The following TUSC3 variants were observed in gnomAD, a reference collection of about 807,000 sequenced individuals.
TUSC3 encodes the protein dolichyl-diphosphooligosaccharide--protein glycosyltransferase subunit TUSC3.
TUSC3 carries 45 observed loss-of-function variants against 44.8 expected under a neutral mutation model. That is an observed-to-expected ratio of 1.00 (90% CI 0.79 to 1.29). The LOEUF (loss-of-function observed/expected upper bound fraction) is 1.29, where lower values mean the gene tolerates loss of function less well. Among genes scored for constraint, TUSC3 ranks in the 50% most tolerant of loss-of-function variants. The pLI, the probability that TUSC3 is intolerant of heterozygous loss-of-function variation, is 0.00. For synonymous variants in TUSC3, 212 were observed against 152.9 expected (o/e 1.39, Z -2.85); for missense variants, 519 against 437.9 (o/e 1.19, Z -1.65).
chr8:15,777,559 A>G, the TUSC3 span, among the ~76,000 whole-genome samples: 1 of 152,338 alleles, frequency 6.6e-6, no homozygotes, highest in Non-Finnish European at 1.5e-5. Context: ...GAATTGAAGC[A>G]GATATGAAGC....
chr8:15,564,785 C>T (rs988901745), intron 1 of TUSC3, among the ~76,000 whole-genome samples: 2 of 151,988 alleles, frequency 1.3e-5, no homozygotes, highest in East Asian at 1.9e-4. Flanking sequence ...GATTTCCCCA[C>T]GCTTGTGCTG....
At chr8:15,472,462 T>A (rs1433372108) in intron 1 of TUSC3, among the ~76,000 whole-genome samples, 1 of 152,156 alleles carries the variant, frequency 6.6e-6, no homozygotes, top group Admixed American at 6.6e-5. Flanking sequence ...AAGGTCTGAG[T>A]TTTATCTCTG....
chr8:15,750,136 T>A (rs1811631459), intron 9 of TUSC3, among the ~76,000 whole-genome samples: 1 of 151,586 alleles, frequency 6.6e-6, no homozygotes, highest in African/African-American at 2.4e-5. Flanking sequence ...CCCGCCACCA[T>A]GCCTGGCTAA....
the TUSC3 span, among the ~76,000 whole-genome samples, chr8:15,817,396 T>C: frequency 3.3e-5 from 5 of 151,910 alleles, no homozygotes; most frequent in South Asian, 6.3e-4. Context: ...GGTAACTATG[T>C]GGTACACTTA....
At chr8:15,551,179 A>G (rs1802049989) in intron 1 of TUSC3, among the ~76,000 whole-genome samples, 1 of 151,688 alleles carries the variant, frequency 6.6e-6, no homozygotes, top group African/African-American at 2.4e-5. Flanking sequence ...GAAATTACAT[A>G]CATTTTCATT....
upstream of TUSC3, among the ~76,000 whole-genome samples, chr8:15,535,255 G>C (rs984453447): frequency 3.9e-5 from 6 of 152,196 alleles, no homozygotes; most frequent in Non-Finnish European, 7.3e-5. Flanking sequence ...CCAGTTTGAA[G>C]GCTTATGTTT....
At chr8:15,668,697 AG>A (rs1807791224) in intron 5 of TUSC3, among the ~76,000 whole-genome samples, 2 of 151,798 alleles carry the variant, frequency 1.3e-5, no homozygotes, top group African/African-American at 4.8e-5. Context: ...ACTAGCTTTG[AG>A]GGTGTTCTTT....
chr8:15,619,227 T>C (rs1227971214), intron 1 of TUSC3, among the ~76,000 whole-genome samples: 1 of 152,184 alleles, frequency 6.6e-6, no homozygotes, highest in African/African-American at 2.4e-5. Context: ...TGATTTGATA[T>C]TTATTGTTAT....
chr8:15,701,155 C>G (rs112512833), intron 6 of TUSC3, among the ~76,000 whole-genome samples: 3 of 152,094 alleles, frequency 2.0e-5, no homozygotes, highest in Admixed American at 6.6e-5. Context: ...GCGTAATACA[C>G]AGATCTTAAA....
Position 15,674,005 on chromosome 8 carries a change from C to A in TUSC3, c.798+169C>A, listed in dbSNP as rs577888866. Among the ~76,000 whole-genome samples, 31 of 152,146 alleles carry A rather than the reference C, an allele frequency of 2.0e-4. 1 individual carries two copies. Among genetic ancestry groups the A allele is most frequent in the Admixed American group, 1.8e-3 (28 of 15,256 alleles). ...CTATATACACATGTGCATACACACA[C>A]ACACACAATATTACTTTTGTTAGGA... is the stretch of plus-strand genomic sequence containing the variant. On this transcript the variant is annotated intron_variant, in intron 6 of 10. Coordinates refer to ENST00000503731, the MANE Select transcript of TUSC3 (RefSeq NM_006765.4).
intron 1 of TUSC3, among the ~76,000 whole-genome samples, chr8:15,482,202 A>G (rs2129124538): frequency 6.6e-6 from 1 of 152,270 alleles, no homozygotes; most frequent in South Asian, 2.1e-4. Context: ...CTCCACTTCT[A>G]GTTCTAGTTT....
chr8:15,556,014 T>C (rs1206738428), intron 1 of TUSC3, among the ~76,000 whole-genome samples: 1 of 151,306 alleles, frequency 6.6e-6, no homozygotes, highest in Non-Finnish European at 1.5e-5. Flanking sequence ...TTTTATTTTT[T>C]TTTTATTATA....
intron 1 of TUSC3, among the ~76,000 whole-genome samples, chr8:15,577,526 A>G (rs1585118851): frequency 6.7e-6 from 1 of 150,196 alleles, no homozygotes; most frequent in Non-Finnish European, 1.5e-5. Flanking sequence ...TCAGCTTTCT[A>G]CATATGGCTA....
At chr8:15,477,226 C>T (rs1346196474) in intron 1 of TUSC3, among the ~76,000 whole-genome samples, 3 of 152,160 alleles carry the variant, frequency 2.0e-5, no homozygotes, top group Non-Finnish European at 2.9e-5. Flanking sequence ...ATTCCATTGA[C>T]CAAATTCCAT....
intron 1 of TUSC3, among the ~76,000 whole-genome samples, chr8:15,605,012 C>T (rs889021922): frequency 6.6e-6 from 1 of 151,762 alleles, no homozygotes; most frequent in Non-Finnish European, 1.5e-5. Flanking sequence ...TAGAGAAGTT[C>T]TGATACTCCA....
chr8:15,785,452 TC>T, the TUSC3 span, among the ~76,000 whole-genome samples: 49 of 150,636 alleles, frequency 3.3e-4, no homozygotes, highest in African/African-American at 1.0e-3. Context: ...CTTTTTTCAT[TC>T]CTTTTTTTTT....
chr8:15,554,714 T>C lies in TUSC3; in HGVS notation c.138+14146T>C, dbSNP rs556001216. On this transcript the variant is annotated intron_variant, in intron 1 of 10. Coordinates refer to ENST00000503731, the MANE Select transcript of TUSC3 (RefSeq NM_006765.4). ...GCCTCCCAGGTTCACACCATTCTCC[T>C]GCCTCAGCCTCCCGAGTAGCTGGGA... Among the ~76,000 whole-genome samples, 7 of 148,986 alleles carry C rather than the reference T, an allele frequency of 4.7e-5. No homozygotes were observed. The East Asian group carries it at 1.4e-3, about 30-fold the overall frequency.
chr8:15,649,875 C>G (rs1039950864), intron 2 of TUSC3, among the ~76,000 whole-genome samples: 4 of 152,062 alleles, frequency 2.6e-5, no homozygotes, highest in Admixed American at 6.6e-5. Context: ...GAGATAAACT[C>G]TAGAGAACAG....
intron 1 of TUSC3, among the ~76,000 whole-genome samples, chr8:15,615,230 A>G (rs889657521): frequency 3.3e-5 from 5 of 152,238 alleles, no homozygotes; most frequent in Non-Finnish European, 5.9e-5. Flanking sequence ...CAATAGATGA[A>G]TGGATAACAA....
Sources: allele counts gnomAD v4.1 joint callset (sites outside exome capture counted in the v4.1 genomes callset), GRCh38; gene constraint gnomAD v4.1.1; transcripts MANE v1.5; gene names NCBI Gene and HGNC (gene_info 2026-07-23, HGNC 2026-07-21).